Variants in CCSER1 observed in about 807,000 individuals in gnomAD.
CCSER1 encodes serine-rich coiled-coil domain-containing protein 1.
In CCSER1, 41 loss-of-function variants were observed where a neutral mutation model predicts 82.0. The observed-to-expected ratio is 0.50, with a 90% CI of 0.39 to 0.65. The LOEUF is 0.65. CCSER1 is among the 30% of genes least tolerant of loss of function. The pLI is 0.00. For missense variants in CCSER1, 1,119 were observed against 1,064.2 expected (o/e 1.05, Z -0.72); for synonymous variants, 414 against 383.9 (o/e 1.08, Z -0.92).
chr4:90,815,866 G>T, intron 8 of CCSER1, 21 bp downstream of exon 8: 1 of 1,514,264 alleles, frequency 6.6e-7, no homozygotes, highest in Non-Finnish European at 9.0e-7. Flanking sequence ...ACAATGCTTG[G>T]CCCACGAGTG....
At chr4:90,328,019 C>T (rs1440065467) in intron 3 of CCSER1, among the ~76,000 whole-genome samples, 2 of 152,154 alleles carry the variant, frequency 1.3e-5, no homozygotes, top group African/African-American at 2.4e-5. Context: ...TCTTCACACC[C>T]ACACTTTAAA....
chr4:91,411,414 A>G (rs1753010411), intron 10 of CCSER1, among the ~76,000 whole-genome samples: 1 of 143,376 alleles, frequency 7.0e-6, no homozygotes, highest in Non-Finnish European at 1.5e-5. Context: ...AGGGTTTTGA[A>G]TGCCTTAATT....
At chr4:90,148,652 T>C (rs951430320) in intron 1 of CCSER1, among the ~76,000 whole-genome samples, 10 of 152,180 alleles carry the variant, frequency 6.6e-5, no homozygotes, top group African/African-American at 2.4e-4. Context: ...TTTCCCAAAC[T>C]CTATCTCATT....
At chr4:90,520,713 TA>T (rs1425931445) in intron 5 of CCSER1, among the ~76,000 whole-genome samples, 1 of 152,128 alleles carries the variant, frequency 6.6e-6, no homozygotes, top group Non-Finnish European at 1.5e-5. Context: ...TACTATGTCT[TA>T]AAAAAACAAT....
chr4:90,740,227 A>G (rs549762099), intron 7 of CCSER1, among the ~76,000 whole-genome samples: 1 of 152,296 alleles, frequency 6.6e-6, no homozygotes, highest in Non-Finnish European at 1.5e-5. Flanking sequence ...ACTACCAAAC[A>G]AGACTTTATA....
chr4:91,145,656 ACT>A (rs1344368647), intron 10 of CCSER1, among the ~76,000 whole-genome samples: 1 of 151,284 alleles, frequency 6.6e-6, no homozygotes, highest in East Asian at 1.9e-4. Context: ...GTGGTAATAG[ACT>A]CTCTTATTGC....
At chr4:90,644,700 T>A (rs754344657) in intron 6 of CCSER1, among the ~76,000 whole-genome samples, 10 of 151,982 alleles carry the variant, frequency 6.6e-5, no homozygotes, top group Non-Finnish European at 1.2e-4. Context: ...CTCCCACTTA[T>A]AAGCGAGAAG....
chr4:90,476,269 A>G (rs145025832), intron 5 of CCSER1, among the ~76,000 whole-genome samples: 1 of 152,212 alleles, frequency 6.6e-6, no homozygotes, highest in African/African-American at 2.4e-5. Context: ...AACAGCTCCC[A>G]CCACTAGGAG....
At chr4:90,209,524 C>T (rs916727414) in intron 1 of CCSER1, among the ~76,000 whole-genome samples, 1 of 152,046 alleles carries the variant, frequency 6.6e-6, no homozygotes, top group Non-Finnish European at 1.5e-5. Context: ...GTCTGCACTA[C>T]CAGAGGGGCC....
intron 4 of CCSER1, among the ~76,000 whole-genome samples, chr4:90,452,498 A>T (rs1049087516): frequency 6.6e-6 from 1 of 152,184 alleles, no homozygotes; most frequent in African/African-American, 2.4e-5. Flanking sequence ...CTACCACTGC[A>T]ACTGCCAAGA....
At chr4:91,359,387 C>G (rs1022008356) in intron 10 of CCSER1, among the ~76,000 whole-genome samples, 1 of 151,768 alleles carries the variant, frequency 6.6e-6, no homozygotes, top group Non-Finnish European at 1.5e-5. Context: ...AAAACAGGTA[C>G]TGAGTATAAA....
chr4:91,425,388 A>T (rs1753910981), intron 10 of CCSER1, among the ~76,000 whole-genome samples: 1 of 152,166 alleles, frequency 6.6e-6, no homozygotes, highest in Admixed American at 6.5e-5. Flanking sequence ...CGACATCCCA[A>T]GAATATTATA....
chr4:90,423,750 T>G (rs1757079179), intron 4 of CCSER1, among the ~76,000 whole-genome samples: 1 of 151,788 alleles, frequency 6.6e-6, no homozygotes, highest in African/African-American at 2.4e-5. Flanking sequence ...GTGCTGGGAT[T>G]ACAGGCGTGA....
intron 5 of CCSER1, among the ~76,000 whole-genome samples, chr4:90,469,930 C>T (rs990107349): frequency 1.3e-5 from 2 of 151,984 alleles, no homozygotes; most frequent in African/African-American, 2.4e-5. Context: ...ATCCTAAATC[C>T]AAAAATATGA....
intron 10 of CCSER1, among the ~76,000 whole-genome samples, chr4:91,466,564 G>A (rs1290041912): frequency 6.6e-6 from 1 of 152,128 alleles, no homozygotes; most frequent in Non-Finnish European, 1.5e-5. Flanking sequence ...AAGTCAAATT[G>A]TCCCTCTTTG....
chr4:90,882,587 G>A (rs942682056), intron 8 of CCSER1, among the ~76,000 whole-genome samples: 2 of 151,886 alleles, frequency 1.3e-5, no homozygotes, highest in African/African-American at 4.8e-5. Flanking sequence ...AATTGGAAAG[G>A]TTCTTAACTA....
intron 6 of CCSER1, among the ~76,000 whole-genome samples, chr4:90,698,679 T>A (rs1215337809): frequency 2.0e-5 from 3 of 152,186 alleles, no homozygotes; most frequent in Non-Finnish European, 4.4e-5. Flanking sequence ...AGTTTTCCTC[T>A]GTTAACTGAG....
chr4:90,436,152 A>T (rs891106283), intron 4 of CCSER1, among the ~76,000 whole-genome samples: 3 of 152,158 alleles, frequency 2.0e-5, no homozygotes, highest in African/African-American at 7.2e-5. Flanking sequence ...AAATAATAGC[A>T]ATCTTTACAA....
chr4:90,800,710 C>A (rs1190197327), intron 7 of CCSER1, among the ~76,000 whole-genome samples: 2 of 132,392 alleles, frequency 1.5e-5, no homozygotes, highest in Non-Finnish European at 3.3e-5. Context: ...AGTTCCAAAT[C>A]GATTTTTAAT....
Sources: gnomAD v4.1 joint callset for allele counts (sites outside exome capture counted in the v4.1 genomes callset) on GRCh38, gnomAD v4.1.1 for gene constraint, MANE v1.5 for transcripts, NCBI Gene and HGNC (gene_info 2026-07-23, HGNC 2026-07-21) for gene names.